Variants in NCOR2 observed in about 807,000 individuals in gnomAD.
NCOR2 encodes the protein nuclear receptor corepressor 2.
In NCOR2, 81 loss-of-function variants were observed where a neutral mutation model predicts 262.9. The ratio of observed to expected loss-of-function variants is 0.31; its 90% CI spans 0.26 to 0.37. NCOR2 has a LOEUF of 0.37. Among genes scored for constraint, NCOR2 ranks in the 10% least tolerant of loss-of-function variants. NCOR2 has a pLI of 1.00. For missense variants in NCOR2, 3,385 were observed against 3,621.4 expected (o/e 0.93, Z 1.68); for synonymous variants, 1,659 against 1,559.3 (o/e 1.06, Z -1.51).
rs2045727446 is a variant in NCOR2, at chr12:124,454,460, A to G, written c.762+2646T>C. 6.6e-6 allele frequency among the ~76,000 whole-genome samples: 1 copy of G among 152,104 alleles called. No homozygotes were observed. Among genetic ancestry groups the G allele is most frequent in the Non-Finnish European group, 1.5e-5 (1 of 68,006 alleles). ...GGTCCCTGGTTCCAAAGCTTCTGAC[A>G]CCAGCAGCTGCCCACCCCCATCTGC... On this transcript the variant is annotated intron_variant, in intron 6 of 46. Transcript: ENST00000405201. This position sits in a 1 kb window ranked among gnomAD's most constrained non-coding sequence, Gnocchi z 5.6.
chr12:124,423,849 G>A (rs534399206), intron 11 of NCOR2, among the ~76,000 whole-genome samples: 10 of 152,186 alleles, frequency 6.6e-5, no homozygotes, highest in Non-Finnish European at 1.2e-4. Flanking sequence ...AGGCCCTGTC[G>A]CTATACCCAT....
At chr12:124,399,954 A>T (rs1375478664) in intron 15 of NCOR2, among the ~76,000 whole-genome samples, 1 of 152,206 alleles carries the variant, frequency 6.6e-6, no homozygotes, top group Non-Finnish European at 1.5e-5. Context: ...GTGAAGGTAC[A>T]AAACCAGATG....
At chr12:124,456,825 C>G (rs1246644734) in intron 6 of NCOR2, among the ~76,000 whole-genome samples, 1 of 152,212 alleles carries the variant, frequency 6.6e-6, no homozygotes, top group African/African-American at 2.4e-5. Flanking sequence ...CCTCACAGCC[C>G]GAGCGGCCGG....
chr12:124,363,730 C>T, exon 21 of NCOR2: 1 of 1,406,604 alleles, frequency 7.1e-7, no homozygotes, highest in Non-Finnish European at 9.3e-7. Flanking sequence ...GGTCCAGTGG[C>T]TTCTGGGGTG....
chr12:124,450,888 T>C (rs1294488550), intron 6 of NCOR2, among the ~76,000 whole-genome samples: 1 of 152,182 alleles, frequency 6.6e-6, no homozygotes, highest in African/African-American at 2.4e-5. Context: ...GTTAAACTCA[T>C]AGGATTTTGT....
At chr12:124,380,524 C>T (rs551803517) in intron 17 of NCOR2, among the ~76,000 whole-genome samples, 1 of 152,352 alleles carries the variant, frequency 6.6e-6, no homozygotes, top group Admixed American at 6.5e-5. Flanking sequence ...GAATCCTGAG[C>T]CTCTCCCAGG....
chr12:124,385,465 C>T (rs2040737217), intron 17 of NCOR2, among the ~76,000 whole-genome samples: 1 of 152,148 alleles, frequency 6.6e-6, no homozygotes, highest in African/African-American at 2.4e-5. Context: ...GGCTGAGGGC[C>T]CCCAGAGGTG....
chr12:124,327,390 G>A lies in NCOR2; in HGVS notation c.7183+19C>T. The A allele has an allele frequency of 1.3e-6, 2 of 1,576,746 alleles. No individual in the cohort carries two copies. Among genetic ancestry groups the A allele is most frequent in the South Asian group, 1.1e-5 (1 of 88,380 alleles). On this transcript the variant is annotated intron_variant, in intron 45 of 46. Transcript: ENST00000405201. ...GGGGGTGGGGACAGACGGGGGCGGGGCGGGGGTGGCCTGCAGACCTGGCGA... is the reference window on the plus strand; with the variant it reads ...GGGGGTGGGGACAGACGGGGGCGGGACGGGGGTGGCCTGCAGACCTGGCGA...
Position 124,457,212 on chromosome 12 carries a change from A to G in NCOR2, c.706-50T>C. The G allele has an allele frequency of 1.3e-6, 2 of 1,521,678 alleles. No homozygotes were observed. The highest frequency in any genetic ancestry group is 1.5e-5 in the African/African-American group (1 of 68,496). The allele number at this position is 1,521,678 out of a possible 1,614,324, so 94.3% of individuals were successfully genotyped here. On this transcript the variant is annotated intron_variant, in intron 5 of 46. Transcript: ENST00000405201. This position sits in a 1 kb window ranked among gnomAD's most constrained non-coding sequence, Gnocchi z 4.0. ...GAATTTTTTTAAAAAACAAAAAAACACAGATTATAAATAGAGGCTTCCCGG... is the reference window on the plus strand; with the variant it reads ...GAATTTTTTTAAAAAACAAAAAAACGCAGATTATAAATAGAGGCTTCCCGG...
chr12:124,479,833 G>A (rs2047344278), intron 3 of NCOR2, among the ~76,000 whole-genome samples: 1 of 152,216 alleles, frequency 6.6e-6, no homozygotes, highest in African/African-American at 2.4e-5. Context: ...CAGGCATGGG[G>A]TGCACTCCCA....
chr12:124,497,709 G>A (rs183497509), upstream of NCOR2, among the ~76,000 whole-genome samples: 108 of 152,318 alleles, frequency 7.1e-4, no homozygotes, highest in Non-Finnish European at 1.1e-3. The surrounding 1 kb of genome is among the most constrained non-coding windows in gnomAD (Gnocchi z 4.2). Flanking sequence ...GCCGGGTGGC[G>A]GACAGCAGGC....
Position 124,327,387 on chromosome 12 carries a change from G to C in NCOR2, c.7183+22C>G, listed in dbSNP as rs747361772. ...ACCGGGGGTGGGGACAGACGGGGGC[G>C]GGGCGGGGGTGGCCTGCAGACCTGG... On this transcript the variant is annotated intron_variant, in intron 45 of 46. Transcript: ENST00000405201. 4 of 1,570,382 alleles carry C rather than the reference G, an allele frequency of 2.5e-6. No homozygotes were observed. In the Admixed American group the frequency reaches 6.8e-5, roughly 27 times the overall value.
At chr12:124,456,636 T>C (rs1428937746) in intron 6 of NCOR2, among the ~76,000 whole-genome samples, 1 of 152,206 alleles carries the variant, frequency 6.6e-6, no homozygotes, top group Non-Finnish European at 1.5e-5. Context: ...GAATAGGTGC[T>C]GTTAGGATTC....
At chr12:124,391,912 T>G (rs1353627768) in intron 16 of NCOR2, among the ~76,000 whole-genome samples, 1 of 152,242 alleles carries the variant, frequency 6.6e-6, no homozygotes, top group Non-Finnish European at 1.5e-5. Flanking sequence ...CAGAGCAAAG[T>G]TGGAAGCCAG....
intron 3 of NCOR2, among the ~76,000 whole-genome samples, chr12:124,480,371 C>CA (rs1379637682): frequency 6.6e-6 from 1 of 152,224 alleles, no homozygotes; most frequent in African/African-American, 2.4e-5. Flanking sequence ...CCTGGGCAGT[C>CA]AGACACAGCT....
chr12:124,497,613 C>T (rs371294488), upstream of NCOR2, among the ~76,000 whole-genome samples: 1 of 152,196 alleles, frequency 6.6e-6, no homozygotes, highest in South Asian at 2.1e-4. This position sits in a 1 kb window ranked among gnomAD's most constrained non-coding sequence, Gnocchi z 4.2. Flanking sequence ...AGGAAGGCAT[C>T]GGAATCACAA....
intron 1 of NCOR2, among the ~76,000 whole-genome samples, chr12:124,564,124 C>A (rs779509339): frequency 6.6e-6 from 1 of 152,250 alleles, no homozygotes; most frequent in African/African-American, 2.4e-5. Flanking sequence ...TTATTACTAG[C>A]GTATGATCCA....
At chr12:124,398,258 AG>A in intron 15 of NCOR2, 77 bp from the exon 18 acceptor site, 1 of 1,507,930 alleles carries the variant, frequency 6.6e-7, no homozygotes, top group East Asian at 2.3e-5. Flanking sequence ...CTCTCCTTTG[AG>A]CCAGGGAGGG....
At chr12:124,463,725 G>A (rs144362219) in intron 5 of NCOR2, among the ~76,000 whole-genome samples, 159 of 152,332 alleles carry the variant, frequency 1.0e-3, no homozygotes, top group African/African-American at 3.7e-3. Flanking sequence ...CCCAAGGGGC[G>A]GTAAGTCCTG....
Sources: gnomAD v4.1 joint callset for allele counts (sites outside exome capture counted in the v4.1 genomes callset) on GRCh38, gnomAD v4.1.1 for gene constraint, Gnocchi (gnomAD v3.1) non-coding constraint, MANE v1.5 for transcripts, NCBI Gene and HGNC (gene_info 2026-07-23, HGNC 2026-07-21) for gene names.